Variants in WASL observed in about 807,000 individuals in gnomAD.
WASL encodes actin nucleation-promoting factor WASL.
Under a neutral mutation model 55.5 loss-of-function variants are expected in WASL, and 20 were observed. The ratio of observed to expected loss-of-function variants is 0.36; its 90% confidence interval spans 0.25 to 0.52. The LOEUF (loss-of-function observed/expected upper bound fraction) is 0.52. Ranked by LOEUF, WASL falls within the 20% of genes least tolerant of loss-of-function variation. WASL has a pLI of 0.92. For missense variants in WASL, 504 were observed against 622.5 expected (o/e 0.81, Z 2.03); for synonymous variants, 249 against 217.6 (o/e 1.14, Z -1.27).
intron 10 of WASL, among the ~76,000 whole-genome samples, chr7:123,686,196 T>A (rs371981142): frequency 6.6e-6 from 1 of 151,714 alleles, no homozygotes; most frequent in South Asian, 2.1e-4. Flanking sequence ...ACGATAATTA[T>A]TTATTATTTA....
chr7:123,728,567 C>T (rs147252548), intron 1 of WASL, among the ~76,000 whole-genome samples: 3 of 152,232 alleles, frequency 2.0e-5, no homozygotes, highest in East Asian at 1.9e-4. Flanking sequence ...GTCAGCCGGG[C>T]GCAGCGGCTC....
chr7:123,693,867 G>T (rs1206329678), intron 8 of WASL, among the ~76,000 whole-genome samples: 1 of 152,178 alleles, frequency 6.6e-6, no homozygotes, highest in Non-Finnish European at 1.5e-5. Context: ...TTGGGTGGCT[G>T]AGGCATGAGA....
In WASL at chr7:123,730,496, T is replaced by A. The variant is rs191028250; in HGVS notation, c.117+18122A>T. 2.6e-4 allele frequency among the ~76,000 whole-genome samples: 39 copies of A among 151,968 alleles called. No individual in the cohort carries two copies. The East Asian group carries it at 6.9e-3, about 27-fold the overall frequency. On this transcript the variant is annotated intron_variant, in intron 1 of 10. Transcript: ENST00000223023. ...ACTAGAGTATAATTCGATACTAGATTGAGATTAGTTGTACATACATATTGC... is the reference window on the plus strand; with the variant it reads ...ACTAGAGTATAATTCGATACTAGATAGAGATTAGTTGTACATACATATTGC...
chr7:123,688,717 T>C (rs903319081), intron 10 of WASL, among the ~76,000 whole-genome samples: 19 of 152,130 alleles, frequency 1.2e-4, no homozygotes, highest in Admixed American at 1.0e-3. Flanking sequence ...AATCTCAAGC[T>C]TTGTTTAGAG....
Position 123,717,829 on chromosome 7 carries a change from C to T in WASL, c.118-8606G>A, listed in dbSNP as rs148054448. 2.5e-3 allele frequency among the ~76,000 whole-genome samples: 374 copies of T among 152,176 alleles called. 3 individuals are homozygous for T. The highest frequency in any genetic ancestry group is 8.4e-3 in the African/African-American group (347 of 41,502). On this transcript the variant is annotated intron_variant, in intron 1 of 10. Transcript: ENST00000223023. ...CCAGATATTTAATACTTTACGCTTC[C>T]AACTCATGATCTCTTTCAACTCATC...
At chr7:123,687,230 C>T (rs1260645710) in intron 10 of WASL, among the ~76,000 whole-genome samples, 1 of 152,020 alleles carries the variant, frequency 6.6e-6, no homozygotes, top group African/African-American at 2.4e-5. Context: ...TGCTATAAAC[C>T]TGGTTCAAGC....
intron 1 of WASL, among the ~76,000 whole-genome samples, chr7:123,729,486 C>G (rs1233555784): frequency 7.2e-5 from 11 of 152,064 alleles, no homozygotes; most frequent in Admixed American, 7.2e-4. Flanking sequence ...GAGCTTTTTT[C>G]AAAGTCTCGC....
At chr7:123,743,004 T>A (rs1804370368) in intron 1 of WASL, among the ~76,000 whole-genome samples, 1 of 152,204 alleles carries the variant, frequency 6.6e-6, no homozygotes, top group African/African-American at 2.4e-5. Flanking sequence ...AGTTATCTTG[T>A]CTGACCCTTC....
chr7:123,741,392 T>G (rs1337599398), intron 1 of WASL, among the ~76,000 whole-genome samples: 4 of 152,162 alleles, frequency 2.6e-5, no homozygotes, highest in African/African-American at 4.8e-5. Flanking sequence ...TCACCTAAAG[T>G]CACAGTTTCC....
At chr7:123,748,077 A>G (rs1490939092) in intron 1 of WASL, among the ~76,000 whole-genome samples, 4 of 151,846 alleles carry the variant, frequency 2.6e-5, no homozygotes, top group Non-Finnish European at 5.9e-5. Flanking sequence ...GAGCAATAAC[A>G]TTTCTTGCAC....
intron 1 of WASL, among the ~76,000 whole-genome samples, chr7:123,748,023 AG>A (rs1347160558): frequency 6.6e-6 from 1 of 151,978 alleles, no homozygotes; most frequent in African/African-American, 2.4e-5. Context: ...AACCAGGCCT[AG>A]GCAAGGTTGC....
At chr7:123,747,025 C>T (rs1804443656) in intron 1 of WASL, among the ~76,000 whole-genome samples, 1 of 152,088 alleles carries the variant, frequency 6.6e-6, no homozygotes, top group African/African-American at 2.4e-5. Flanking sequence ...ATTAGTGGTG[C>T]TTTAAGAATC....
At chr7:123,701,081 T>G (rs1803581990) in intron 5 of WASL, among the ~76,000 whole-genome samples, 1 of 152,176 alleles carries the variant, frequency 6.6e-6, no homozygotes. Context: ...GATAACCTGT[T>G]TAAGGTATAG....
chr7:123,743,556 T>C (rs1163402965), intron 1 of WASL, among the ~76,000 whole-genome samples: 2 of 152,180 alleles, frequency 1.3e-5, no homozygotes, highest in East Asian at 1.9e-4. Context: ...GACTTTAAAA[T>C]TGTTAATTTA....
At chr7:123,704,767 T>C (rs1803641865) in intron 4 of WASL, 110 bp from the exon 5 acceptor site, 7 of 643,606 alleles carry the variant, frequency 1.1e-5, no homozygotes, top group Non-Finnish European at 4.8e-6. Flanking sequence ...TACGTGTGAC[T>C]AAGGAAGATT....
chr7:123,711,209 A>G (rs1323041521), intron 1 of WASL, among the ~76,000 whole-genome samples: 2 of 152,178 alleles, frequency 1.3e-5, no homozygotes, highest in Non-Finnish European at 2.9e-5. Flanking sequence ...AGGACTAAAT[A>G]TTCATGATGT....
In WASL at chr7:123,709,169, A is replaced by C. The variant is rs1326444341; in HGVS notation, c.172T>G (p.Ser58Ala). The C allele has an allele frequency of 1.9e-6, 3 of 1,612,970 alleles. No homozygotes were observed. Among genetic ancestry groups the C allele is most frequent in the Non-Finnish European group, 2.5e-6 (3 of 1,179,252 alleles). ...LYAADRNCMWSKKCSGVACLV... is the reference protein window; with the variant it reads ...LYAADRNCMWAKKCSGVACLV... Reference sequence around the variant, plus strand: ...CAAGCAACACCACTGCACTTCTTTGACCACATACAGTTCCGATCTGCTGCA... The same window carrying C: ...CAAGCAACACCACTGCACTTCTTTGCCCACATACAGTTCCGATCTGCTGCA... Residue 58 changes from serine (S) to alanine (A), a missense_variant, in exon 2 of 11, where the codon TCA becomes GCA. Ser to Ala is a moderately conservative substitution (Grantham distance 99). Around this residue, in one of 5 missense-constraint regions of WASL, gnomAD observed 230 missense variants for 271.9 expected, o/e 0.85. Transcript: ENST00000223023.
intron 1 of WASL, among the ~76,000 whole-genome samples, chr7:123,743,299 T>C (rs1282741507): frequency 1.4e-5 from 2 of 146,612 alleles, no homozygotes; most frequent in Non-Finnish European, 3.0e-5. Flanking sequence ...ATCGTGCCAC[T>C]GCACTCCCGC....
rs1803241410 is a variant in WASL at position 123,683,830 on chromosome 7, A to G, written c.*689T>C. On this transcript the variant is annotated 3_prime_UTR_variant, in exon 11 of 11. Coordinates refer to ENST00000223023, the MANE Select transcript of WASL (RefSeq NM_003941.4). ...TTTGCTACAGCATAAAAATAACCCC[A>G]GTCAATAACAAGTATTTAAGGGCTC... is the stretch of plus-strand genomic sequence containing the variant. 1 of 152,042 alleles carries G rather than the reference A, an allele frequency of 6.6e-6. No individual in the cohort carries two copies. Among genetic ancestry groups the G allele is most frequent in the South Asian group, 2.1e-4 (1 of 4,834 alleles). The allele number at this position is 152,042 out of a possible 1,614,324, so 9.4% of individuals were successfully genotyped here.
Sources: gnomAD v4.1 joint callset for allele counts (sites outside exome capture counted in the v4.1 genomes callset) on GRCh38, gnomAD v4.1.1 for gene constraint, gnomAD v4.1.1 regional missense constraint, MANE v1.5 for transcripts, NCBI Gene and HGNC (gene_info 2026-07-23, HGNC 2026-07-21) for gene names.